The following TRAPPC2 variants were observed in gnomAD, a reference collection of about 807,000 sequenced individuals.
The protein encoded by TRAPPC2 is sedlin.
In TRAPPC2, 4 loss-of-function variants were observed where a neutral mutation model predicts 10.0. That is an observed-to-expected ratio of 0.40 (90% CI 0.20 to 0.92). TRAPPC2 has a LOEUF of 0.92. Among genes scored for constraint, TRAPPC2 ranks in the 40% least tolerant of loss-of-function variants. The pLI, the probability that TRAPPC2 is intolerant of heterozygous loss-of-function variation, is 0.35. For synonymous variants in TRAPPC2, 36 were observed against 37.3 expected (o/e 0.97, Z 0.12); for missense variants, 52 against 108.7 (o/e 0.48, Z 2.32).
chrX:13,734,133 C>A lies in TRAPPC2; in HGVS notation c.-109G>T. The A allele has an allele frequency of 2.0e-6, 1 of 510,696 alleles. No individual in the cohort carries two copies. Among genetic ancestry groups the A allele is most frequent in the South Asian group, 2.5e-5 (1 of 39,776 alleles). 42.1% of individuals were successfully genotyped at this position (510,696 alleles called of 1,213,427 possible). ...AGCGATCTTGCTTCCAAGAGGACAT[C>A]TGGCAATATCTGGAGACATCTTTGG... On this transcript the variant is annotated 5_prime_UTR_variant, in exon 2 of 6. Coordinates refer to ENST00000380579, the MANE Select transcript of TRAPPC2 (RefSeq NM_001011658.4).
rs2046243512 is a variant in TRAPPC2, at chrX:13,713,517, T to G, written c.*890A>C. 1 of 109,425 alleles carries G rather than the reference T, an allele frequency of 9.1e-6. No individual in the cohort carries two copies. Among genetic ancestry groups the G allele is most frequent in the Non-Finnish European group, 1.9e-5 (1 of 52,603 alleles). 9.0% of individuals were successfully genotyped at this position (109,425 alleles called of 1,213,427 possible). A position where few individuals can be genotyped will look rare whatever the true frequency, so the allele number is the denominator to read the frequency against. The stretch of plus-strand genomic sequence containing the variant: ...AAACCAAAAAGCTTATTCCCAATTT[T>G]TAAGTAAAAATATTTCATGGCCGGG... On this transcript the variant is annotated 3_prime_UTR_variant, in exon 6 of 6. Transcript: ENST00000380579.
At chrX:13,721,751 C>T (rs915749559) in intron 2 of TRAPPC2, 4 of 94,546 alleles carry the variant, frequency 4.2e-5, no homozygotes, top group South Asian at 5.1e-4. Context: ...GGCATGATGA[C>T]GTAAGATTTA....
intron 2 of TRAPPC2, 196 bp from the exon 3 acceptor site, chrX:13,720,178 A>G (rs2046378470): frequency 3.7e-6 from 1 of 266,773 alleles, no homozygotes; most frequent in Non-Finnish European, 6.6e-6. Context: ...CTATGATATG[A>G]ATCTGTGAAT....
intron 4 of TRAPPC2, 144 bp from the exon 5 acceptor site, chrX:13,716,233 AGTTTT>A: frequency 2.9e-6 from 2 of 698,935 alleles, no homozygotes; most frequent in Non-Finnish European, 4.1e-6. Context: ...AAATTAGCTT[AGTTTT>A]ATCATAAAGA....
In TRAPPC2 at chrX:13,712,344, A is replaced by T. The variant is rs2046230290; in HGVS notation, c.*2063T>A. 1 of 112,461 alleles carries T rather than the reference A, an allele frequency of 8.9e-6. No individual in the cohort carries two copies. The highest frequency in any genetic ancestry group is 3.2e-5 in the African/African-American group (1 of 30,982). 9.3% of individuals were successfully genotyped at this position (112,461 alleles called of 1,213,427 possible). On this transcript the variant is annotated 3_prime_UTR_variant, in exon 6 of 6. Coordinates refer to ENST00000380579, the MANE Select transcript of TRAPPC2 (RefSeq NM_001011658.4). ...GCTTAGAATTACTTGCTCAAAAGTTACTCAGAATGGAACAAAATTGTTCAA... is the reference window on the plus strand; with the variant it reads ...GCTTAGAATTACTTGCTCAAAAGTTTCTCAGAATGGAACAAAATTGTTCAA...
At chrX:13,727,278 C>T (rs1406936885) in intron 2 of TRAPPC2, among the ~76,000 whole-genome samples, 1 of 111,992 alleles carries the variant, frequency 8.9e-6, no homozygotes, top group East Asian at 2.8e-4. Context: ...AACTCTCCAC[C>T]CCAAATCAAC....
intron 3 of TRAPPC2, among the ~76,000 whole-genome samples, chrX:13,717,527 A>C (rs2046322522): frequency 9.0e-6 from 1 of 111,239 alleles, no homozygotes; most frequent in Non-Finnish European, 1.9e-5. Flanking sequence ...GGATCACCTG[A>C]GGTCAGGAGT....
In TRAPPC2 at chrX:13,715,448, G is replaced by A. The variant is rs779384866; in HGVS notation, c.324+556C>T. The A allele has an allele frequency of 3.4e-3, 384 of 113,076 alleles. 3 individuals carry two copies. The highest frequency in any genetic ancestry group is 4.2e-3 in the Non-Finnish European group (224 of 53,621). The allele number at this position is 113,076 out of a possible 1,213,427, so 9.3% of individuals were successfully genotyped here. ...AGATCACGCCACTGCACTCCAGCCT[G>A]GGTGACAGAGCAAGACTGTCTCCAA... On this transcript the variant is annotated intron_variant, in intron 5 of 5. Coordinates refer to ENST00000380579, the MANE Select transcript of TRAPPC2 (RefSeq NM_001011658.4).
intron 3 of TRAPPC2, among the ~76,000 whole-genome samples, chrX:13,719,152 G>C (rs1027915346): frequency 9.1e-6 from 1 of 110,276 alleles, no homozygotes; most frequent in Non-Finnish European, 1.9e-5. Flanking sequence ...GCAAGACTCT[G>C]TCTCAAAAAG....
intron 2 of TRAPPC2, among the ~76,000 whole-genome samples, chrX:13,724,698 T>C (rs1020453762): frequency 8.9e-6 from 1 of 111,982 alleles, no homozygotes; most frequent in South Asian, 3.7e-4. Context: ...AGAAGATGGG[T>C]GATTTCTGCA....
rs1473269117 is a variant in TRAPPC2 at position 13,714,153 on chromosome X, A to C, written c.*254T>G. 1.1e-5 allele frequency: 2 copies of C among 178,936 alleles called. No homozygotes were observed. Among genetic ancestry groups the C allele is most frequent in the Non-Finnish European group, 2.1e-5 (2 of 97,401 alleles). 14.7% of individuals were successfully genotyped at this position (178,936 alleles called of 1,213,427 possible). A position where few individuals can be genotyped will look rare whatever the true frequency, so the allele number is the denominator to read the frequency against. ...TGAGACTCTGTATCAGAAAAAAAAA[A>C]AAAAAAAAAACATGATTATTGATAA... On this transcript the variant is annotated 3_prime_UTR_variant, in exon 6 of 6. Transcript: ENST00000380579.
intron 3 of TRAPPC2, among the ~76,000 whole-genome samples, chrX:13,718,924 G>C (rs2046352182): frequency 9.0e-6 from 1 of 111,038 alleles, no homozygotes; most frequent in Non-Finnish European, 1.9e-5. Context: ...GGGAGGCCGA[G>C]GGCAGGCAGA....
chrX:13,722,391 T>C (rs191491298), intron 2 of TRAPPC2, among the ~76,000 whole-genome samples: 157 of 110,433 alleles, frequency 1.4e-3, no homozygotes, highest in African/African-American at 5.0e-3. Context: ...ACCGACTGCA[T>C]GAGGATGCTG....
chrX:13,721,612 C>G (rs772905526), intron 2 of TRAPPC2: 1 of 111,860 alleles, frequency 8.9e-6, no homozygotes, highest in Admixed American at 9.5e-5. Context: ...ACAATGAAAT[C>G]AGAAGAAATC....
At chrX:13,730,509 C>T (rs773868955) in intron 2 of TRAPPC2, among the ~76,000 whole-genome samples, 2 of 111,627 alleles carry the variant, frequency 1.8e-5, no homozygotes, top group African/African-American at 6.5e-5. Flanking sequence ...GACAGTGTGG[C>T]GATTCCTCAA....
At chrX:13,722,208 C>CCAAAAAAAAAAAA (rs1555898002) in intron 2 of TRAPPC2, 3 of 36,114 alleles carry the variant, frequency 8.3e-5, no homozygotes, top group African/African-American at 3.6e-4. Flanking sequence ...TAAGCAGCAG[C>CCAAAAAAAAAAAA]AAAAAAAAAA....
Position 13,719,899 on chromosome X carries a change from A to C in TRAPPC2, c.65T>G (p.Phe22Cys). Residue 22 changes from phenylalanine (F) to cysteine (C), a missense_variant, in exon 3 of 6, where the codon TTT becomes TGT. Phe to Cys is a radical substitution (Grantham distance 205, BLOSUM62 -2). Transcript: ENST00000380579. Reference sequence around the variant, plus strand: ...GGATTCTGCCTTCCCAGCTGGCAAAAACTCCATTTCAAAAACTGGATTATC... The same window carrying C: ...GGATTCTGCCTTCCCAGCTGGCAAACACTCCATTTCAAAAACTGGATTATC... Reference protein sequence around the residue: ...HHDNPVFEMEFLPAGKAESKD... With the variant: ...HHDNPVFEMECLPAGKAESKD... The C allele has an allele frequency of 2.5e-6, 3 of 1,201,912 alleles. No individual in the cohort carries two copies. Among genetic ancestry groups the C allele is most frequent in the Non-Finnish European group, 3.4e-6 (3 of 890,668 alleles).
intron 2 of TRAPPC2, among the ~76,000 whole-genome samples, chrX:13,722,424 A>G (rs1406676127): frequency 9.0e-6 from 1 of 110,691 alleles, no homozygotes; most frequent in Non-Finnish European, 1.9e-5. Flanking sequence ...CAGCTGCGCA[A>G]AAGATGAGAC....
At chrX:13,722,931 T>G (rs1057259228) in intron 2 of TRAPPC2, among the ~76,000 whole-genome samples, 1 of 109,809 alleles carries the variant, frequency 9.1e-6, no homozygotes. Context: ...AGTGTGGTGG[T>G]GGGCACCTGT....
Sources: allele counts gnomAD v4.1 joint callset (sites outside exome capture counted in the v4.1 genomes callset), GRCh38; gene constraint gnomAD v4.1.1; transcripts MANE v1.5; gene names NCBI Gene and HGNC (gene_info 2026-07-23, HGNC 2026-07-21).